The following VMP1 variants were observed in gnomAD, a reference collection of about 807,000 sequenced individuals.
VMP1 encodes ectopic P-granules autophagy protein 3 homolog.
VMP1 carries 11 observed loss-of-function variants against 56.0 expected under a neutral mutation model. The observed-to-expected ratio is 0.20, with a 90% CI of 0.12 to 0.32. The LOEUF is 0.32. VMP1 is among the 10% of genes least tolerant of loss of function. VMP1 has a pLI of 1.00. For missense variants in VMP1, 296 were observed against 490.3 expected, an observed-to-expected ratio of 0.60 and a Z score of 3.74; for synonymous variants, 149 against 165.0, an observed-to-expected ratio of 0.90 and a Z score of 0.74.
At position 59,841,006 on chromosome 17, in the gene VMP1, T is replaced by A. The variant is rs1309940235; in HGVS notation, c.*1095T>A. The A allele has an allele frequency of 5.5e-6, 1 of 180,840 alleles. No individual in the cohort carries two copies. The highest frequency in any genetic ancestry group is 2.4e-5 in the African/African-American group (1 of 42,384). 11.2% of individuals were successfully genotyped at this position (180,840 alleles called of 1,614,324 possible). On this transcript the variant is annotated 3_prime_UTR_variant, in exon 12 of 12. Coordinates refer to ENST00000262291, the MANE Select transcript of VMP1 (RefSeq NM_030938.5). ...TTCTGTAAGTGTTTTATTCTTAGTGTGATTTTTTTCCATTGGGATGTTTTT... is the reference window on the plus strand; with the variant it reads ...TTCTGTAAGTGTTTTATTCTTAGTGAGATTTTTTTCCATTGGGATGTTTTT...
At chr17:59,783,973 C>T (rs1050015928) in intron 7 of VMP1, among the ~76,000 whole-genome samples, 1 of 152,014 alleles carries the variant, frequency 6.6e-6, no homozygotes, top group Admixed American at 6.6e-5. Context: ...ACTATTTAAC[C>T]CAGTTTTCTT....
At chr17:59,714,483 A>G (rs12947232) in intron 1 of VMP1, among the ~76,000 whole-genome samples, 74,565 of 151,928 alleles carry the variant, frequency 0.49, 21,190 homozygotes, top group Non-Finnish European at 0.65. Context: ...TACTCAAACA[A>G]TAATAGGAGT....
At chr17:59,733,181 G>A (rs559268052) in intron 2 of VMP1, among the ~76,000 whole-genome samples, 122 of 151,462 alleles carry the variant, frequency 8.1e-4, no homozygotes, top group African/African-American at 2.8e-3. Flanking sequence ...GCAAGACCCT[G>A]TCCCCCAAAA....
At chr17:59,735,914 A>T (rs1377804668) in intron 3 of VMP1, among the ~76,000 whole-genome samples, 6 of 152,188 alleles carry the variant, frequency 3.9e-5, no homozygotes, top group African/African-American at 1.4e-4. Flanking sequence ...TAAATTTAGT[A>T]CTTGTAAGCC....
At chr17:59,749,514 CTTTT>C (rs1007707784) in intron 5 of VMP1, among the ~76,000 whole-genome samples, 1 of 142,902 alleles carries the variant, frequency 7.0e-6, no homozygotes, top group South Asian at 2.2e-4. Flanking sequence ...TTTAAATAAT[CTTTT>C]TTTTTTTTTT....
chr17:59,825,797 G>T (rs1323676047), intron 10 of VMP1, among the ~76,000 whole-genome samples: 1 of 152,222 alleles, frequency 6.6e-6, no homozygotes, highest in Non-Finnish European at 1.5e-5. Context: ...CTTGACCTCA[G>T]AGTCAGGCTT....
At chr17:59,710,819 C>T (rs893497217) in intron 1 of VMP1, among the ~76,000 whole-genome samples, 4 of 152,096 alleles carry the variant, frequency 2.6e-5, no homozygotes, top group African/African-American at 9.7e-5. Flanking sequence ...GCCTGTAATC[C>T]CAGCACTTTG....
intron 1 of VMP1, among the ~76,000 whole-genome samples, chr17:59,724,733 G>A (rs979830778): frequency 2.6e-5 from 4 of 152,224 alleles, no homozygotes; most frequent in Middle Eastern, 3.4e-3. Flanking sequence ...TTGGGAGGCC[G>A]AGGTGGCTGA....
intron 3 of VMP1, among the ~76,000 whole-genome samples, chr17:59,736,423 G>A (rs970652086): frequency 7.3e-5 from 11 of 150,702 alleles, no homozygotes; most frequent in East Asian, 2.0e-4. Flanking sequence ...AAAATTAGCC[G>A]GTCGTGGTAG....
chr17:59,799,144 T>A (rs2037549806), intron 7 of VMP1, among the ~76,000 whole-genome samples: 1 of 152,216 alleles, frequency 6.6e-6, no homozygotes, highest in Non-Finnish European at 1.5e-5. Flanking sequence ...AGTTTTTAGT[T>A]ATGCCTGCAT....
chr17:59,731,801 T>A (rs532646902), intron 2 of VMP1, among the ~76,000 whole-genome samples: 1 of 152,308 alleles, frequency 6.6e-6, no homozygotes, highest in East Asian at 1.9e-4. Flanking sequence ...AGTGCTCAAT[T>A]TTATTGTGCT....
At position 59,731,502 on chromosome 17, in the gene VMP1, A is replaced by G. The variant is rs1329239214; in HGVS notation, c.56A>G (p.His19Arg). 1 of 1,586,382 alleles carries G rather than the reference A, an allele frequency of 6.3e-7. No homozygotes were observed. The highest frequency in any genetic ancestry group is 8.5e-7 in the Non-Finnish European group (1 of 1,170,178). The change falls in exon 2 of 12, where the codon CAT (histidine) becomes CGT (arginine). Residue 19 changes from histidine (H) to arginine (R), a missense_variant. Physicochemically the swap from His to Arg is conservative, Grantham distance 29. Coordinates refer to ENST00000262291, the MANE Select transcript of VMP1 (RefSeq NM_030938.5). ...DQRRVAMNKEHHNGNFTDPSS... is the reference protein window; with the variant it reads ...DQRRVAMNKERHNGNFTDPSS... ...AGACGTGTAGCAATGAACAAGGAACATCATAATGGAAATTTCACAGGTAAA... is the reference window on the plus strand; with the variant it reads ...AGACGTGTAGCAATGAACAAGGAACGTCATAATGGAAATTTCACAGGTAAA...
At chr17:59,717,265 C>T (rs1473917054) in intron 1 of VMP1, among the ~76,000 whole-genome samples, 3 of 152,158 alleles carry the variant, frequency 2.0e-5, no homozygotes, top group Admixed American at 6.5e-5. Context: ...CCACCGCGCT[C>T]GGCCGGTCCG....
intron 8 of VMP1, among the ~76,000 whole-genome samples, chr17:59,809,444 A>AGTAGCTGG (rs2037971125): frequency 7.3e-6 from 1 of 137,856 alleles, no homozygotes. Flanking sequence ...AGCCTCCCAA[A>AGTAGCTGG]GTAGCTGGGA....
chr17:59,742,784 T>C (rs2035276052), intron 5 of VMP1, among the ~76,000 whole-genome samples: 3 of 152,138 alleles, frequency 2.0e-5, no homozygotes, highest in Non-Finnish European at 4.4e-5. Flanking sequence ...GCCTGAGCTC[T>C]ACCTCCTGTT....
chr17:59,713,671 A>G (rs2034023392), intron 1 of VMP1, among the ~76,000 whole-genome samples: 1 of 147,580 alleles, frequency 6.8e-6, no homozygotes, highest in African/African-American at 2.5e-5. Context: ...AACATGGCAA[A>G]ACCCCATCTC....
intron 7 of VMP1, among the ~76,000 whole-genome samples, chr17:59,804,384 C>T (rs1262264071): frequency 6.6e-6 from 1 of 151,850 alleles, no homozygotes; most frequent in East Asian, 1.9e-4. Context: ...GAGGCTGAGG[C>T]GGGTGGATCG....
chr17:59,723,127 G>A (rs2034463580), intron 1 of VMP1, among the ~76,000 whole-genome samples: 1 of 152,188 alleles, frequency 6.6e-6, no homozygotes. Context: ...TTACCTCTGA[G>A]ATGTTTATCT....
At chr17:59,834,143 G>C (rs1216931433) in intron 10 of VMP1, 1 of 151,704 alleles carries the variant, frequency 6.6e-6, no homozygotes, top group African/African-American at 2.4e-5. Context: ...TTTTAGTAGA[G>C]ACGGGGTTTC....
Sources: gnomAD v4.1 joint callset for allele counts (sites outside exome capture counted in the v4.1 genomes callset) on GRCh38, gnomAD v4.1.1 for gene constraint, MANE v1.5 for transcripts, NCBI Gene and HGNC (gene_info 2026-07-23, HGNC 2026-07-21) for gene names.